The following RNASEH2B variants were observed in gnomAD, a reference collection of about 807,000 sequenced individuals.
The protein encoded by RNASEH2B is Aicardi-Goutieres syndrome 2 protein.
A neutral mutation model predicts 45.0 loss-of-function variants in RNASEH2B; 36 were observed. The observed-to-expected ratio is 0.80, with a 90% CI of 0.61 to 1.06. The LOEUF (loss-of-function observed/expected upper bound fraction) is 1.06. Ranked by LOEUF, RNASEH2B falls within the 50% of genes least tolerant of loss-of-function variation. The pLI is 0.00. For missense variants in RNASEH2B, 361 were observed against 360.3 expected, an observed-to-expected ratio of 1.00 and a Z score of -0.02; for synonymous variants, 119 against 125.7, an observed-to-expected ratio of 0.95 and a Z score of 0.35.
At chr13:50,949,000 A>T (rs1951941638) in intron 8 of RNASEH2B, 1 of 161,174 alleles carries the variant, frequency 6.2e-6, no homozygotes, top group African/African-American at 2.4e-5. Context: ...CTTTCTTTCC[A>T]CTAACATTTT....
intron 9 of RNASEH2B, among the ~76,000 whole-genome samples, chr13:50,963,429 G>C (rs912478887): frequency 4.6e-5 from 7 of 152,122 alleles, no homozygotes; most frequent in African/African-American, 1.7e-4. Flanking sequence ...CTCCCAAAGT[G>C]CTGGGATTAC....
At position 50,947,974 on chromosome 13, in the gene RNASEH2B, CT is replaced by C. The variant is rs1297387999; in HGVS notation, c.617-12del. The C allele has an allele frequency of 5.0e-6, 8 of 1,606,650 alleles. No homozygotes were observed. The highest frequency in any genetic ancestry group is 5.9e-6 in the Non-Finnish European group (7 of 1,177,976). ...TTTTTTTTTGCTTTCACTCCTCCTT[CT>C]GTTTCTTTCAGAGGATTATATTCGT... On this transcript the variant is annotated splice_polypyrimidine_tract_variant and intron_variant, in intron 7 of 10. Transcript: ENST00000336617.
Position 50,956,723 on chromosome 13 carries a change from T to A in RNASEH2B, c.*249T>A. 1 of 1,218,636 alleles carries A rather than the reference T, an allele frequency of 8.2e-7. No homozygotes were observed. Among genetic ancestry groups the A allele is most frequent in the Non-Finnish European group, 1.0e-6 (1 of 964,974 alleles). 75.5% of individuals were successfully genotyped at this position (1,218,636 alleles called of 1,614,324 possible). A position where few individuals can be genotyped will look rare whatever the true frequency, so the allele number is the denominator to read the frequency against. ...TAATCACTTGAAGAGAATTAACATA[T>A]AGCATCATGATTTTCTCAATAAACT... On this transcript the variant is annotated 3_prime_UTR_variant, in exon 11 of 11. Transcript: ENST00000336617.
intron 9 of RNASEH2B, among the ~76,000 whole-genome samples, chr13:50,965,074 G>A (rs1377906429): frequency 1.3e-5 from 2 of 152,204 alleles, no homozygotes; most frequent in Non-Finnish European, 2.9e-5. Context: ...GACTGCATAT[G>A]CGATGGTGGT....
At chr13:50,931,037 G>C (rs757677743) in intron 4 of RNASEH2B, among the ~76,000 whole-genome samples, 65 of 152,274 alleles carry the variant, frequency 4.3e-4, no homozygotes, top group Non-Finnish European at 7.8e-4. Flanking sequence ...GCTTGACAAA[G>C]CCTGACAGCT....
intron 4 of RNASEH2B, among the ~76,000 whole-genome samples, chr13:50,932,703 A>G (rs1447242674): frequency 6.6e-6 from 1 of 152,218 alleles, no homozygotes; most frequent in Non-Finnish European, 1.5e-5. Context: ...ACTTTGAGTG[A>G]TAAGTGTCAC....
chr13:50,948,386 A>C (rs1951932814), intron 8 of RNASEH2B: 1 of 226,146 alleles, frequency 4.4e-6, no homozygotes, highest in South Asian at 8.5e-5. Context: ...TTTTAAGAGG[A>C]AGAAAGGAGG....
chr13:50,952,375 C>T (rs967811015), intron 9 of RNASEH2B: 6 of 152,110 alleles, frequency 3.9e-5, no homozygotes, highest in African/African-American at 1.4e-4. Flanking sequence ...CACCTAAACA[C>T]CCTTTGCTGT....
intron 8 of RNASEH2B, 153 bp downstream of exon 8, chr13:50,948,221 T>C: frequency 1.6e-6 from 2 of 1,228,760 alleles, no homozygotes; most frequent in Non-Finnish European, 2.2e-6. Context: ...GGATGATTTT[T>C]AATGGATGAT....
At chr13:50,935,849 A>G (rs533469080) in intron 5 of RNASEH2B, 86 of 152,600 alleles carry the variant, frequency 5.6e-4, no homozygotes, top group Non-Finnish European at 8.8e-4. Context: ...GTGAAGTTTT[A>G]AGCATGGCAG....
At chr13:50,965,367 CACA>C (rs961948727) in intron 9 of RNASEH2B, among the ~76,000 whole-genome samples, 2 of 152,192 alleles carry the variant, frequency 1.3e-5, no homozygotes, top group East Asian at 1.9e-4. Context: ...GTGATGTTCA[CACA>C]ACAACGAAAT....
intron 2 of RNASEH2B, among the ~76,000 whole-genome samples, chr13:50,927,727 C>CA (rs1161221368): frequency 7.2e-5 from 11 of 151,984 alleles, no homozygotes. Context: ...ACGGGCAAAA[C>CA]AAAAAAGTAG....
intron 10 of RNASEH2B, chr13:50,955,754 A>G (rs1952038502): frequency 6.6e-6 from 1 of 152,576 alleles, no homozygotes; most frequent in African/African-American, 2.4e-5. Flanking sequence ...GCTTTATATA[A>G]GACATGGAAG....
rs1194498037 is a variant in RNASEH2B, at chr13:50,927,219, C to T, written c.65-188C>T. ...TCCTCATAGCAATACATTTAAACTA[C>T]CTGAAATTCAACTGCAACTTGCAGA... On this transcript the variant is annotated intron_variant, in intron 1 of 10. Transcript: ENST00000336617. 3 of 517,318 alleles carry T rather than the reference C, an allele frequency of 5.8e-6. No individual in the cohort carries two copies. In the East Asian group the frequency reaches 1.1e-4, roughly 19 times the overall value. The allele number at this position is 517,318 out of a possible 1,614,324, so 32.0% of individuals were successfully genotyped here.
downstream of RNASEH2B, among the ~76,000 whole-genome samples, chr13:50,959,110 A>G (rs570878243): frequency 1.3e-5 from 2 of 148,948 alleles, no homozygotes; most frequent in African/African-American, 5.1e-5. Flanking sequence ...ACATTTTTTC[A>G]TACTTACTAA....
chr13:50,947,931 C>T, intron 7 of RNASEH2B, 56 bp from the exon 8 acceptor site: 1 of 1,599,514 alleles, frequency 6.3e-7, no homozygotes, highest in Admixed American at 1.7e-5. Context: ...GACTATAAAA[C>T]CACCATAATT....
intron 1 of RNASEH2B, among the ~76,000 whole-genome samples, chr13:50,916,984 G>A (rs551696220): frequency 6.6e-6 from 1 of 152,302 alleles, no homozygotes; most frequent in Admixed American, 6.5e-5. Context: ...CCTGCATTTA[G>A]TGAAAAACTG....
intron 4 of RNASEH2B, 135 bp downstream of exon 4, chr13:50,930,894 A>AATC: frequency 1.3e-6 from 1 of 762,374 alleles, no homozygotes; most frequent in East Asian, 2.5e-5. Context: ...AGAAAACATG[A>AATC]ATCATATGGG....
chr13:50,946,284 A>G (rs1434307412), intron 7 of RNASEH2B, among the ~76,000 whole-genome samples: 2 of 152,244 alleles, frequency 1.3e-5, no homozygotes, highest in African/African-American at 4.8e-5. Flanking sequence ...GTTAAACTCC[A>G]ATTCATTGTT....
Sources: allele counts gnomAD v4.1 joint callset (sites outside exome capture counted in the v4.1 genomes callset), GRCh38; gene constraint gnomAD v4.1.1; transcripts MANE v1.5; gene names NCBI Gene and HGNC (gene_info 2026-07-23, HGNC 2026-07-21).